Variants in BRAF observed in about 807,000 individuals in gnomAD.
BRAF encodes B-Raf proto-oncogene, serine/threonine kinase, also known as serine/threonine-protein kinase B-raf.
BRAF carries 16 observed loss-of-function variants against 104.6 expected under a neutral mutation model. The observed-to-expected ratio is 0.15, with a 90% CI of 0.10 to 0.23. The LOEUF (loss-of-function observed/expected upper bound fraction) is 0.23, where lower values mean the gene tolerates loss of function less well. Among genes scored for constraint, BRAF ranks in the 10% least tolerant of loss-of-function variants. The pLI, the probability that BRAF is intolerant of heterozygous loss-of-function variation, is 1.00. For synonymous variants in BRAF, 310 were observed against 341.6 expected (o/e 0.91, Z 1.02); for missense variants, 541 against 937.3 (o/e 0.58, Z 5.52).
intron 3 of BRAF, 140 bp from the exon 4 acceptor site, chr7:140,809,135 T>C: frequency 1.5e-6 from 1 of 657,880 alleles, no homozygotes; most frequent in East Asian, 2.8e-5. Context: ...TACAGCTAAC[T>C]TAATACTAAA....
At chr7:140,793,455 G>GA (rs1225129513) in intron 8 of BRAF, among the ~76,000 whole-genome samples, 3 of 152,140 alleles carry the variant, frequency 2.0e-5, no homozygotes, top group South Asian at 4.1e-4. Context: ...AAAGTGGGAA[G>GA]AAAGTCTGAT....
intron 1 of BRAF, among the ~76,000 whole-genome samples, chr7:140,890,638 A>G (rs1336541223): frequency 6.6e-6 from 1 of 152,212 alleles, no homozygotes; most frequent in East Asian, 1.9e-4. Flanking sequence ...TCAGATTAAA[A>G]ATCACCTTGG....
chr7:140,921,486 T>C lies in BRAF; in HGVS notation c.138+3080A>G, dbSNP rs183621449. ...TACATCCTATGTTCAAGATGTTTGA[T>C]GGCAGTAAAAAATTAAAAACAACCT... is the stretch of plus-strand genomic sequence containing the variant. On this transcript the variant is annotated intron_variant, in intron 1 of 19. Transcript: ENST00000644969. Among the ~76,000 whole-genome samples the C allele has an allele frequency of 1.5e-3, 226 of 152,248 alleles. 2 individuals carry two copies. The highest frequency in any genetic ancestry group is 5.0e-3 in the African/African-American group (207 of 41,574).
intron 14 of BRAF, among the ~76,000 whole-genome samples, chr7:140,771,515 G>A (rs1356489031): frequency 6.6e-6 from 1 of 152,050 alleles, no homozygotes; most frequent in African/African-American, 2.4e-5. Context: ...ATTATTAAAG[G>A]TTTTATCTTA....
chr7:140,753,245 A>C (rs1238855039), intron 16 of BRAF, 30 bp downstream of exon 15: 1 of 1,545,186 alleles, frequency 6.5e-7, no homozygotes. Flanking sequence ...CCAAAAATTT[A>C]ATCAGTGGAA....
intron 1 of BRAF, among the ~76,000 whole-genome samples, chr7:140,921,412 C>G (rs1818208291): frequency 6.6e-6 from 1 of 152,092 alleles, no homozygotes; most frequent in Non-Finnish European, 1.5e-5. Context: ...ACTACAAATA[C>G]AGGATGTGAA....
At chr7:140,748,864 A>C (rs1797561050) in intron 17 of BRAF, 1 of 157,718 alleles carries the variant, frequency 6.3e-6, no homozygotes, top group Admixed American at 6.2e-5. Context: ...TAGTTTTAAA[A>C]ATTAAAGATT....
At chr7:140,824,685 A>G (rs1279944561) in intron 3 of BRAF, among the ~76,000 whole-genome samples, 2 of 151,764 alleles carry the variant, frequency 1.3e-5, no homozygotes, top group African/African-American at 4.8e-5. Flanking sequence ...GATTTTGAAA[A>G]GGTTTCATTA....
Position 140,724,399 on chromosome 7 carries a change from T to G in BRAF, c.*2095A>C. 9.5e-7 allele frequency: 1 copy of G among 1,055,962 alleles called. No individual in the cohort carries two copies. Among genetic ancestry groups the G allele is most frequent in the Non-Finnish European group, 1.1e-6 (1 of 873,530 alleles). The allele number at this position is 1,055,962 out of a possible 1,614,324, so 65.4% of individuals were successfully genotyped here. A position where few individuals can be genotyped will look rare whatever the true frequency, so the allele number is the denominator to read the frequency against. ...TTTAAAAAGAAAAAACAGCCAATGCTTTTCAAGAGAGGCAGTATTATTGCA... is the reference window on the plus strand; with the variant it reads ...TTTAAAAAGAAAAAACAGCCAATGCGTTTCAAGAGAGGCAGTATTATTGCA... On this transcript the variant is annotated 3_prime_UTR_variant, in exon 20 of 20. Coordinates refer to ENST00000644969, the MANE Select transcript of BRAF (RefSeq NM_001374258.1).
chr7:140,826,339 CTA>C (rs529021546), intron 3 of BRAF, among the ~76,000 whole-genome samples: 13 of 151,940 alleles, frequency 8.6e-5, no homozygotes, highest in South Asian at 4.2e-4. Context: ...TTCTTTTTTT[CTA>C]TGTTTTCAAT....
chr7:140,801,298 A>G (rs1261231186), intron 6 of BRAF, 114 bp downstream of exon 6: 33 of 1,236,160 alleles, frequency 2.7e-5, no homozygotes, highest in Non-Finnish European at 3.3e-5. Context: ...AAAATTCTCT[A>G]TAACAATCGT....
Position 140,722,004 on chromosome 7 carries a change from C to T in BRAF, c.*4490G>A. ...AAATTCGGTCCTATATTTCAATTTCCCCTTCTAAGTTAATACATGATTGCT... is the reference window on the plus strand; with the variant it reads ...AAATTCGGTCCTATATTTCAATTTCTCCTTCTAAGTTAATACATGATTGCT... On this transcript the variant is annotated 3_prime_UTR_variant, in exon 20 of 20. Coordinates refer to ENST00000644969, the MANE Select transcript of BRAF (RefSeq NM_001374258.1). 1 of 1,167,312 alleles carries T rather than the reference C, an allele frequency of 8.6e-7. No homozygotes were observed. The highest frequency in any genetic ancestry group is 1.1e-6 in the Non-Finnish European group (1 of 947,022). 72.3% of individuals were successfully genotyped at this position (1,167,312 alleles called of 1,614,324 possible).
chr7:140,821,294 ATTTTTTTTTTT>A (rs58690200), intron 3 of BRAF, among the ~76,000 whole-genome samples: 8 of 73,922 alleles, frequency 1.1e-4, no homozygotes, highest in Non-Finnish European at 1.5e-4. Flanking sequence ...TCTGAATTAC[ATTTTTTTTTTT>A]TTTTTTTTTT....
intron 2 of BRAF, among the ~76,000 whole-genome samples, chr7:140,838,964 CT>C (rs1395646849): frequency 6.6e-6 from 1 of 151,890 alleles, no homozygotes; most frequent in Non-Finnish European, 1.5e-5. Flanking sequence ...GAATTACACA[CT>C]TTAAAAAAGT....
chr7:140,752,130 GATCA>G (rs1797842987), intron 16 of BRAF, among the ~76,000 whole-genome samples: 1 of 152,100 alleles, frequency 6.6e-6, no homozygotes. Context: ...TGTTAACACA[GATCA>G]TTCATTTTTA....
At chr7:140,885,860 T>C (rs1356684587) in intron 1 of BRAF, among the ~76,000 whole-genome samples, 1 of 152,228 alleles carries the variant, frequency 6.6e-6, no homozygotes, top group Non-Finnish European at 1.5e-5. Context: ...GTTAAGTGTA[T>C]GTGGGAGTAA....
At chr7:140,814,293 T>C (rs1410699274) in intron 3 of BRAF, among the ~76,000 whole-genome samples, 1 of 152,218 alleles carries the variant, frequency 6.6e-6, no homozygotes, top group African/African-American at 2.4e-5. Context: ...CGTCAATTTT[T>C]AAAGTGAACT....
In BRAF at chr7:140,787,606, T is replaced by G. The variant is rs373680409; in HGVS notation, c.1141-22A>C. 12 of 1,601,620 alleles carry G rather than the reference T, an allele frequency of 7.5e-6. No individual in the cohort carries two copies. The African/African-American group carries it at 1.6e-4, about 21-fold the overall frequency. On this transcript the variant is annotated intron_variant, in intron 8 of 19. Transcript: ENST00000644969. ...AGTCCTACAAATAAATAGTAATGTA[T>G]ATTTATTCCAAGCAAGCATATAATC...
intron 1 of BRAF, among the ~76,000 whole-genome samples, chr7:140,886,816 C>T (rs532856090): frequency 1.3e-5 from 2 of 152,244 alleles, no homozygotes; most frequent in East Asian, 3.9e-4. Context: ...CATCTGATTG[C>T]AGAGACCACA....
Sources: allele counts gnomAD v4.1 joint callset (sites outside exome capture counted in the v4.1 genomes callset), GRCh38; gene constraint gnomAD v4.1.1; transcripts MANE v1.5; gene names NCBI Gene and HGNC (gene_info 2026-07-23, HGNC 2026-07-21).